RAB6A: variants seen among roughly 807,000 people sequenced by gnomAD.
RAB6A encodes ras-related protein Rab-6A.
RAB6A carries 8 observed loss-of-function variants against 32.3 expected under a neutral mutation model. That is an observed-to-expected ratio of 0.25 (90% CI 0.15 to 0.45). RAB6A has a LOEUF of 0.45. Among genes scored for constraint, RAB6A ranks in the 20% least tolerant of loss-of-function variants. RAB6A has a pLI of 1.00. For missense variants in RAB6A, 104 were observed against 249.4 expected, an observed-to-expected ratio of 0.42 and a Z score of 3.93; for synonymous variants, 73 against 82.1, an observed-to-expected ratio of 0.89 and a Z score of 0.60.
intron 6 of RAB6A, among the ~76,000 whole-genome samples, chr11:73,702,722 TAAC>T (rs1032447615): frequency 2.0e-5 from 3 of 152,176 alleles, no homozygotes; most frequent in African/African-American, 7.2e-5. Flanking sequence ...ATTGGGAAAT[TAAC>T]AACATATTTC....
At chr11:73,748,931 C>T (rs1052302407) in intron 1 of RAB6A, among the ~76,000 whole-genome samples, 1 of 152,002 alleles carries the variant, frequency 6.6e-6, no homozygotes, top group African/African-American at 2.4e-5. Flanking sequence ...TCAAGACCAG[C>T]CTGGCCAATA....
chr11:73,694,351 G>T (rs4944856), intron 6 of RAB6A, among the ~76,000 whole-genome samples: 15,202 of 152,130 alleles, frequency 0.1, 857 homozygotes, highest in South Asian at 0.27. Context: ...CAAATCTAAG[G>T]CTAAAGAATT....
At chr11:73,727,604 A>T (rs879589654) in intron 2 of RAB6A, among the ~76,000 whole-genome samples, 25 of 152,250 alleles carry the variant, frequency 1.6e-4, no homozygotes, top group Middle Eastern at 3.4e-3. Context: ...GGTGCTTCCA[A>T]CTCTAAGGCT....
intron 1 of RAB6A, among the ~76,000 whole-genome samples, chr11:73,734,679 G>A (rs1184565641): frequency 1.3e-5 from 2 of 152,090 alleles, no homozygotes; most frequent in African/African-American, 2.4e-5. Context: ...TAGGGTTCTC[G>A]CTCCTATGAG....
intron 1 of RAB6A, among the ~76,000 whole-genome samples, chr11:73,742,186 G>C (rs1360508879): frequency 3.9e-5 from 6 of 152,120 alleles, no homozygotes; most frequent in Non-Finnish European, 7.4e-5. Context: ...GGAGGCTGAG[G>C]CAGGAGAATT....
chr11:73,756,862 T>C (rs184716700), intron 1 of RAB6A, among the ~76,000 whole-genome samples: 2,362 of 150,832 alleles, frequency 0.016, 23 homozygotes, highest in Non-Finnish European at 0.025. Context: ...TTAGTAGAGA[T>C]GGGATTTTGC....
chr11:73,721,421 G>T (rs1284916961), intron 2 of RAB6A, among the ~76,000 whole-genome samples: 4 of 152,086 alleles, frequency 2.6e-5, no homozygotes, highest in African/African-American at 9.7e-5. Flanking sequence ...CATTAGGTAA[G>T]GAAAACAAGT....
intron 5 of RAB6A, among the ~76,000 whole-genome samples, chr11:73,710,111 AC>A (rs1268452687): frequency 1.4e-5 from 2 of 138,530 alleles, no homozygotes; most frequent in Non-Finnish European, 3.1e-5. Flanking sequence ...GGCTCCCGCC[AC>A]CACACCCGGC....
rs527423261 is a variant in RAB6A at position 73,736,593 on chromosome 11, ACCAGCCTGG to A, written c.71-5779_71-5771del. On this transcript the variant is annotated intron_variant, in intron 1 of 7. Coordinates refer to ENST00000336083, the MANE Select transcript of RAB6A (RefSeq NM_198896.2). ...GATCACCTGAGGTCAGGAGTTTGAG[ACCAGCCTGG>A]CCAGCATGGTGAAATTCTGTCTGTA... Among the ~76,000 whole-genome samples, 18 of 151,846 alleles carry A rather than the reference ACCAGCCTGG, an allele frequency of 1.2e-4. No individual in the cohort carries two copies. In the East Asian group the frequency reaches 3.1e-3, roughly 26 times the overall value.
Position 73,676,494 on chromosome 11 carries a change from AG to A in RAB6A, c.*1403del, listed in dbSNP as rs1945271330. The A allele has an allele frequency of 6.0e-6, 1 of 166,794 alleles. No individual in the cohort carries two copies. The highest frequency in any genetic ancestry group is 6.5e-5 in the Admixed American group (1 of 15,272). 10.3% of individuals were successfully genotyped at this position (166,794 alleles called of 1,614,324 possible). A position where few individuals can be genotyped will look rare whatever the true frequency, so the allele number is the denominator to read the frequency against. ...GATTGAAAGTTGTTAAAAAAAAAAA[AG>A]GCAAAGAAATAAATATCACCAAAGA... On this transcript the variant is annotated 3_prime_UTR_variant, in exon 8 of 8. Coordinates refer to ENST00000336083, the MANE Select transcript of RAB6A (RefSeq NM_198896.2).
chr11:73,683,547 C>T lies in RAB6A; in HGVS notation c.496-3827G>A, dbSNP rs1200607854. Among the ~76,000 whole-genome samples the T allele has an allele frequency of 4.7e-5, 7 of 149,186 alleles. No homozygotes were observed. The East Asian group carries it at 8.0e-4, about 17-fold the overall frequency. On this transcript the variant is annotated intron_variant, in intron 6 of 7. Transcript: ENST00000336083. ...TGCTGGGATTACAGGCATGCACCAC[C>T]GCACCTGGTGGCACTATTTTTTTTA...
chr11:73,697,377 C>G (rs1367572676), intron 6 of RAB6A, among the ~76,000 whole-genome samples: 1 of 152,010 alleles, frequency 6.6e-6, no homozygotes, highest in African/African-American at 2.4e-5. Context: ...GTCTCCCAGA[C>G]TGGAGTGCAG....
rs547542318 is a variant in RAB6A at position 73,679,411 on chromosome 11, C to A, written c.562+243G>T. Among the ~76,000 whole-genome samples, 127 of 152,284 alleles carry A rather than the reference C, an allele frequency of 8.3e-4. 1 individual carries two copies. Among genetic ancestry groups the A allele is most frequent in the Non-Finnish European group, 1.5e-3 (100 of 68,024 alleles). On this transcript the variant is annotated intron_variant, in intron 7 of 7. Transcript: ENST00000336083. ...ACACAGGGATTCTAAGAGTTTCCTGCTCATTTAAAAGCAAGCAAACAAACA... is the reference window on the plus strand; with the variant it reads ...ACACAGGGATTCTAAGAGTTTCCTGATCATTTAAAAGCAAGCAAACAAACA...
intron 1 of RAB6A, among the ~76,000 whole-genome samples, chr11:73,745,350 T>C (rs536576115): frequency 1.1e-4 from 17 of 152,348 alleles, no homozygotes; most frequent in African/African-American, 3.8e-4. Context: ...TTCAGTACTT[T>C]AGGCAGTTAA....
intron 6 of RAB6A, among the ~76,000 whole-genome samples, chr11:73,698,370 T>C (rs1177801074): frequency 2.0e-5 from 3 of 152,228 alleles, no homozygotes; most frequent in African/African-American, 7.2e-5. Flanking sequence ...TGGGCTCACA[T>C]TGCAGTTTAA....
In RAB6A at chr11:73,719,764, C is replaced by T. The variant is rs151124386; in HGVS notation, c.184-1046G>A. ...CCGAGTAGCTGGGATTACAGGCGCC[C>T]GCCACCACGCCCAGCTAATTTTTGT... On this transcript the variant is annotated intron_variant, in intron 3 of 7. Transcript: ENST00000336083. Among the ~76,000 whole-genome samples, 900 of 151,698 alleles carry T rather than the reference C, an allele frequency of 5.9e-3. 47 individuals are homozygous for T. The East Asian group carries it at 0.12, about 20-fold the overall frequency.
At chr11:73,705,005 TAATA>T (rs201551955) in intron 6 of RAB6A, among the ~76,000 whole-genome samples, 3,179 of 151,642 alleles carry the variant, frequency 0.021, 106 homozygotes, top group African/African-American at 0.071. Flanking sequence ...CGAAAATAAA[TAATA>T]AATAAATAAA....
chr11:73,719,916 G>A lies in RAB6A; in HGVS notation c.183+930C>T, dbSNP rs374753783. Among the ~76,000 whole-genome samples the A allele has an allele frequency of 2.7e-5, 4 of 150,578 alleles. No individual in the cohort carries two copies. In the South Asian group the frequency reaches 6.3e-4, roughly 24 times the overall value. On this transcript the variant is annotated intron_variant, in intron 3 of 7. Coordinates refer to ENST00000336083, the MANE Select transcript of RAB6A (RefSeq NM_198896.2). ...CAGGCGTGAGCCACCACACCTGGCC[G>A]CTTTCAAATTTTAAGAAATGACATG...
At chr11:73,723,212 A>T (rs1192801218) in intron 2 of RAB6A, among the ~76,000 whole-genome samples, 1 of 152,182 alleles carries the variant, frequency 6.6e-6, no homozygotes, top group Non-Finnish European at 1.5e-5. Context: ...GACGGAACAC[A>T]TTTAAAAATC....
Sources: allele counts gnomAD v4.1 joint callset (sites outside exome capture counted in the v4.1 genomes callset), GRCh38; gene constraint gnomAD v4.1.1; transcripts MANE v1.5; gene names NCBI Gene and HGNC (gene_info 2026-07-23, HGNC 2026-07-21).